FAM184B: variants seen among roughly 807,000 people sequenced by gnomAD.
The protein encoded by FAM184B is protein FAM184B.
A neutral mutation model predicts 135.9 loss-of-function variants in FAM184B; 111 were observed. The observed-to-expected ratio is 0.82, with a 90% confidence interval of 0.70 to 0.96. The LOEUF is 0.96. Ranked by LOEUF, FAM184B falls within the 40% of genes least tolerant of loss-of-function variation. The pLI is 0.00. For synonymous variants in FAM184B, 552 were observed against 524.8 expected (o/e 1.05, Z -0.71); for missense variants, 1,375 against 1,323.9 (o/e 1.04, Z -0.60).
chr4:17,636,633 G>A lies in FAM184B; in HGVS notation c.2679C>T (p.Ser893=), dbSNP rs917220930. 4 of 1,549,238 alleles carry A rather than the reference G, an allele frequency of 2.6e-6. No homozygotes were observed. Among genetic ancestry groups the A allele is most frequent in the Admixed American group, 2.0e-5 (1 of 50,812 alleles). Residue 893 remains serine, a synonymous_variant, in exon 15 of 18, where the codon TCC becomes TCT. Coordinates refer to ENST00000265018, the MANE Select transcript of FAM184B (RefSeq NM_015688.2). ...ACGCTCCCTTCCCTGGCTTCTCTCC[G>A]GAATCTTTCAGTCTGTTCCAAGCAG... ...LAALEAELKD[S]GEKPGKGASR... is the part of the protein sequence containing the mutation.
chr4:17,738,889 G>A (rs762584029), intron 1 of FAM184B, among the ~76,000 whole-genome samples: 9 of 152,034 alleles, frequency 5.9e-5, no homozygotes, highest in Admixed American at 1.3e-4. Context: ...CTTCTCACTC[G>A]TTTCCTCTCT....
chr4:17,781,356 A>ACGTG lies in FAM184B; in HGVS notation c.-61_-58dup. ...CGTTTTCTCCCTGCCCACCGTGTGC[A>ACGTG]CGTGCGTGCGCGCGCGGGCGTGCGA... On this transcript the variant is annotated 5_prime_UTR_variant, in exon 1 of 18. Transcript: ENST00000265018. The surrounding 1 kb of genome is among the most constrained non-coding windows in gnomAD (Gnocchi z 6.5). 3 of 1,432,628 alleles carry ACGTG rather than the reference A, an allele frequency of 2.1e-6. No individual in the cohort carries two copies. The highest frequency in any genetic ancestry group is 2.8e-6 in the Non-Finnish European group (3 of 1,085,918). 88.7% of individuals were successfully genotyped at this position (1,432,628 alleles called of 1,614,324 possible).
In FAM184B at chr4:17,693,289, G is replaced by T; in HGVS notation, c.1488+13C>A. Reference sequence around the variant, plus strand: ...AAACAGCACCCCAAGGCTTGCATTTGGTCAGGGCTCACCTCAAGCAGAGAA... The same window carrying T: ...AAACAGCACCCCAAGGCTTGCATTTTGTCAGGGCTCACCTCAAGCAGAGAA... On this transcript the variant is annotated intron_variant, in intron 6 of 17. Coordinates refer to ENST00000265018, the MANE Select transcript of FAM184B (RefSeq NM_015688.2). 1 of 1,540,192 alleles carries T rather than the reference G, an allele frequency of 6.5e-7. No homozygotes were observed. The highest frequency in any genetic ancestry group is 2.4e-5 in the East Asian group (1 of 40,824).
intron 1 of FAM184B, among the ~76,000 whole-genome samples, chr4:17,768,195 T>C (rs1718740098): frequency 6.6e-6 from 1 of 152,270 alleles, no homozygotes; most frequent in South Asian, 2.1e-4. Flanking sequence ...CAATTAAAAA[T>C]GTAAAGATCA....
chr4:17,694,130 T>C (rs991275808), intron 5 of FAM184B, among the ~76,000 whole-genome samples: 1 of 152,182 alleles, frequency 6.6e-6, no homozygotes, highest in Non-Finnish European at 1.5e-5. Flanking sequence ...GCACATTTCC[T>C]ACATTTCCTA....
intron 1 of FAM184B, among the ~76,000 whole-genome samples, chr4:17,716,759 C>T (rs1049920471): frequency 4.6e-5 from 7 of 152,160 alleles, no homozygotes; most frequent in Admixed American, 2.6e-4. Flanking sequence ...CCCTGCTCAG[C>T]TCATCTTTAG....
intron 8 of FAM184B, among the ~76,000 whole-genome samples, chr4:17,663,634 A>ACC (rs369734614): frequency 0.3 from 45,502 of 151,670 alleles, 7,460 homozygotes; most frequent in Non-Finnish European, 0.37. Context: ...ACACACACAC[A>ACC]CACACACACA....
intron 5 of FAM184B, among the ~76,000 whole-genome samples, chr4:17,696,575 A>G (rs968002873): frequency 1.3e-5 from 2 of 152,178 alleles, no homozygotes; most frequent in African/African-American, 4.8e-5. Flanking sequence ...ACTTTGGGAG[A>G]ATGAGGCAGG....
chr4:17,644,124 G>A (rs962053739), intron 12 of FAM184B, among the ~76,000 whole-genome samples: 4 of 152,178 alleles, frequency 2.6e-5, no homozygotes, highest in Non-Finnish European at 4.4e-5. Flanking sequence ...TTTATGAGCC[G>A]CAGGGAATAT....
At chr4:17,713,972 C>A (rs989726853) in intron 1 of FAM184B, among the ~76,000 whole-genome samples, 1 of 152,176 alleles carries the variant, frequency 6.6e-6, no homozygotes, top group Non-Finnish European at 1.5e-5. Context: ...ACAGAGGAAG[C>A]GGTCTGGGAG....
chr4:17,725,202 T>A (rs746191533), intron 1 of FAM184B, among the ~76,000 whole-genome samples: 9 of 152,036 alleles, frequency 5.9e-5, no homozygotes, highest in Non-Finnish European at 1.3e-4. Flanking sequence ...CAGTATTGTA[T>A]CCTCACTACC....
intron 1 of FAM184B, among the ~76,000 whole-genome samples, chr4:17,748,696 T>C (rs945960729): frequency 6.6e-6 from 1 of 151,942 alleles, no homozygotes; most frequent in Non-Finnish European, 1.5e-5. Context: ...CTTTAATTTC[T>C]TGTAGACACG....
chr4:17,771,800 ACTCT>A (rs1423782753), intron 1 of FAM184B, among the ~76,000 whole-genome samples: 2 of 152,034 alleles, frequency 1.3e-5, no homozygotes, highest in Non-Finnish European at 2.9e-5. Flanking sequence ...GCAGTCCTTG[ACTCT>A]CTGAAGTTCC....
intron 6 of FAM184B, among the ~76,000 whole-genome samples, chr4:17,692,861 TA>T (rs1247394518): frequency 6.6e-6 from 1 of 152,252 alleles, no homozygotes; most frequent in East Asian, 1.9e-4. Flanking sequence ...TAATTTCTTT[TA>T]AAATCAGAAA....
intron 1 of FAM184B, among the ~76,000 whole-genome samples, chr4:17,767,712 AC>A (rs1276395263): frequency 1.3e-4 from 5 of 39,196 alleles, no homozygotes; most frequent in Admixed American, 6.4e-4. Context: ...CCCGCCCCCC[AC>A]CCCCCGCCAG....
At chr4:17,730,138 T>C (rs1717741541) in intron 1 of FAM184B, among the ~76,000 whole-genome samples, 1 of 151,982 alleles carries the variant, frequency 6.6e-6, no homozygotes, top group Non-Finnish European at 1.5e-5. Flanking sequence ...CAGGAGCCAA[T>C]GTGATCAACT....
Position 17,629,810 on chromosome 4 carries a change from A to G in FAM184B, c.*2722T>C, listed in dbSNP as rs916155122. On this transcript the variant is annotated 3_prime_UTR_variant, in exon 18 of 18. Transcript: ENST00000265018. ...TCTATCAAATTGTATTTCTTTGTCA[A>G]TAGTGTTAGGGCACAGTAGGTTCAT... is the stretch of plus-strand genomic sequence containing the variant. The G allele has an allele frequency of 4.6e-5, 7 of 152,190 alleles. No individual in the cohort carries two copies. The highest frequency in any genetic ancestry group is 2.1e-4 in the South Asian group (1 of 4,834). 9.4% of individuals were successfully genotyped at this position (152,190 alleles called of 1,614,324 possible). A position where few individuals can be genotyped will look rare whatever the true frequency, so the allele number is the denominator to read the frequency against.
chr4:17,668,618 C>T (rs1485276156), intron 7 of FAM184B, among the ~76,000 whole-genome samples: 1 of 152,120 alleles, frequency 6.6e-6, no homozygotes, highest in Non-Finnish European at 1.5e-5. Context: ...CTGCAACTTC[C>T]ACCTCCTGTG....
intron 5 of FAM184B, among the ~76,000 whole-genome samples, chr4:17,699,725 T>C (rs1174352190): frequency 6.6e-6 from 1 of 152,036 alleles, no homozygotes; most frequent in Non-Finnish European, 1.5e-5. Flanking sequence ...AATAATACTA[T>C]ACAGGCACTT....
Sources: allele counts gnomAD v4.1 joint callset (sites outside exome capture counted in the v4.1 genomes callset), GRCh38; gene constraint gnomAD v4.1.1; non-coding constraint Gnocchi (gnomAD v3.1); transcripts MANE v1.5; gene names NCBI Gene and HGNC (gene_info 2026-07-23, HGNC 2026-07-21).